Variants in DAAM1 observed in about 807,000 individuals in gnomAD.
The protein encoded by DAAM1 is disheveled-associated activator of morphogenesis 1.
Under a neutral mutation model 130.0 loss-of-function variants are expected in DAAM1, and 52 were observed. The ratio of observed to expected loss-of-function variants is 0.40; its 90% CI spans 0.32 to 0.50. The LOEUF (loss-of-function observed/expected upper bound fraction) is 0.50, where lower values mean the gene tolerates loss of function less well. DAAM1 is among the 20% of genes least tolerant of loss of function. The pLI is 0.61. For synonymous variants in DAAM1, 452 were observed against 444.5 expected (o/e 1.02, Z -0.21); for missense variants, 1,134 against 1,303.8 (o/e 0.87, Z 2.01).
At chr14:59,339,018 T>C (rs902363717) in intron 15 of DAAM1, among the ~76,000 whole-genome samples, 9 of 152,204 alleles carry the variant, frequency 5.9e-5, no homozygotes, top group Non-Finnish European at 1.3e-4. Flanking sequence ...ATCCAAGATT[T>C]TGTAGTTTGT....
chr14:59,300,623 C>T (rs1884133321), intron 3 of DAAM1, among the ~76,000 whole-genome samples: 1 of 151,964 alleles, frequency 6.6e-6, no homozygotes, highest in Admixed American at 6.6e-5. Flanking sequence ...TTAACAAATG[C>T]TAATAACATT....
rs905268873 is a variant in DAAM1, at chr14:59,300,748, A to G, written c.273+9442A>G. Among the ~76,000 whole-genome samples the G allele has an allele frequency of 1.4e-4, 21 of 152,318 alleles. No individual in the cohort carries two copies. In the South Asian group the frequency reaches 1.9e-3, roughly 14 times the overall value. ...TTGTGTTTCTGTCTTTTACTTACCCATATATTTATAGCCTAACTCCATGCG... is the reference window on the plus strand; with the variant it reads ...TTGTGTTTCTGTCTTTTACTTACCCGTATATTTATAGCCTAACTCCATGCG... On this transcript the variant is annotated intron_variant, in intron 3 of 24. Coordinates refer to ENST00000360909, the MANE Select transcript of DAAM1 (RefSeq NM_001270520.2).
intron 1 of DAAM1, among the ~76,000 whole-genome samples, chr14:59,259,411 A>T: frequency 6.6e-6 from 1 of 152,150 alleles, no homozygotes; most frequent in East Asian, 1.9e-4. Flanking sequence ...GGGCCGTAGG[A>T]CCCTGCATGA....
intron 3 of DAAM1, among the ~76,000 whole-genome samples, chr14:59,295,714 A>G (rs377282797): frequency 1.8e-4 from 27 of 152,330 alleles, no homozygotes; most frequent in African/African-American, 6.5e-4. Context: ...CATTTTCTAC[A>G]CAAAGTAGCT....
chr14:59,288,188 A>G (rs774816083), intron 2 of DAAM1, among the ~76,000 whole-genome samples: 10 of 152,234 alleles, frequency 6.6e-5, no homozygotes, highest in Non-Finnish European at 1.0e-4. Flanking sequence ...ATCCTATTCA[A>G]TAAATGGTGG....
At chr14:59,225,448 T>C (rs1451453544) in intron 1 of DAAM1, among the ~76,000 whole-genome samples, 1 of 152,228 alleles carries the variant, frequency 6.6e-6, no homozygotes, top group Non-Finnish European at 1.5e-5. Context: ...CAAAAATAAA[T>C]GTGATTAGTG....
At chr14:59,246,665 G>GCA (rs1273161423) in intron 1 of DAAM1, among the ~76,000 whole-genome samples, 1 of 152,126 alleles carries the variant, frequency 6.6e-6, no homozygotes, top group Non-Finnish European at 1.5e-5. Flanking sequence ...CATAATCCCA[G>GCA]CAACTGTACA....
At chr14:59,259,125 G>C (rs1464979799) in intron 1 of DAAM1, among the ~76,000 whole-genome samples, 1 of 152,164 alleles carries the variant, frequency 6.6e-6, no homozygotes, top group Non-Finnish European at 1.5e-5. Flanking sequence ...AGTGAAACTT[G>C]TAGCATGCAA....
intron 23 of DAAM1, among the ~76,000 whole-genome samples, chr14:59,364,806 A>AAAAT (rs1181367815): frequency 1.3e-5 from 2 of 150,912 alleles, no homozygotes; most frequent in Admixed American, 6.6e-5. Context: ...CTAACCTTAT[A>AAAAT]AAATAAATGG....
At chr14:59,223,491 A>G (rs1311933824) in intron 1 of DAAM1, among the ~76,000 whole-genome samples, 1 of 152,134 alleles carries the variant, frequency 6.6e-6, no homozygotes, top group Non-Finnish European at 1.5e-5. Flanking sequence ...ATCCTGCTGA[A>G]GAGTCTAAAT....
At chr14:59,202,708 A>G (rs1397033612) in intron 1 of DAAM1, among the ~76,000 whole-genome samples, 2 of 152,178 alleles carry the variant, frequency 1.3e-5, no homozygotes, top group Non-Finnish European at 2.9e-5. Flanking sequence ...CCCCAATGAA[A>G]TGCTCTTTGC....
At chr14:59,258,690 A>C (rs1280445364) in intron 1 of DAAM1, among the ~76,000 whole-genome samples, 1 of 152,176 alleles carries the variant, frequency 6.6e-6, no homozygotes, top group South Asian at 2.1e-4. Flanking sequence ...CTAGGCTCTG[A>C]ATAGTGGAGC....
intron 23 of DAAM1, among the ~76,000 whole-genome samples, chr14:59,365,484 T>C (rs925194821): frequency 9.6e-5 from 3 of 31,258 alleles, no homozygotes; most frequent in Admixed American, 3.5e-4. Flanking sequence ...TATTTCCAAA[T>C]AAGTAAACAT....
chr14:59,193,787 T>C (rs1224252166), intron 1 of DAAM1, among the ~76,000 whole-genome samples: 1 of 152,238 alleles, frequency 6.6e-6, no homozygotes, highest in East Asian at 1.9e-4. Flanking sequence ...TCTGAGTGTC[T>C]GGATTATCTT....
intron 1 of DAAM1, among the ~76,000 whole-genome samples, chr14:59,227,776 C>T (rs1888986435): frequency 6.6e-6 from 1 of 152,148 alleles, no homozygotes; most frequent in Non-Finnish European, 1.5e-5. Context: ...CAGTGCTGGG[C>T]ACACAGAGGA....
At position 59,326,979 on chromosome 14, in the gene DAAM1, A is replaced by G. The variant is rs1208987713; in HGVS notation, c.1360A>G (p.Lys454Glu). Residue 454 changes from lysine (K) to glutamate (E), a missense_variant, in exon 12 of 25, where the codon AAA becomes GAA. Transcript: ENST00000360909. ...EVKQWKEQAE[K>E]MRKEHNELQQ... ...TAAGCAGTGGAAAGAACAAGCGGAA[A>G]AAATGAGAAAAGGTAAATAATGAGG... The G allele has an allele frequency of 1.9e-6, 3 of 1,613,918 alleles. No individual in the cohort carries two copies. Among genetic ancestry groups the G allele is most frequent in the Admixed American group, 3.3e-5 (2 of 60,010 alleles).
intron 2 of DAAM1, among the ~76,000 whole-genome samples, chr14:59,280,368 A>G (rs940836579): frequency 2.6e-5 from 4 of 152,040 alleles, no homozygotes; most frequent in Non-Finnish European, 4.4e-5. Flanking sequence ...ACAGGAGGTC[A>G]AGGTTACAGT....
intron 1 of DAAM1, among the ~76,000 whole-genome samples, chr14:59,230,901 A>G (rs180847393): frequency 1.3e-5 from 2 of 152,288 alleles, no homozygotes; most frequent in African/African-American, 4.8e-5. Flanking sequence ...GTTTGTAAGC[A>G]TTATTATATG....
chr14:59,257,171 T>C (rs1044251915), intron 1 of DAAM1, among the ~76,000 whole-genome samples: 2 of 152,260 alleles, frequency 1.3e-5, no homozygotes, highest in Admixed American at 1.3e-4. Flanking sequence ...AATGTCTTGG[T>C]GGGTTTGAAA....
Sources: allele counts gnomAD v4.1 joint callset (sites outside exome capture counted in the v4.1 genomes callset), GRCh38; gene constraint gnomAD v4.1.1; transcripts MANE v1.5; gene names NCBI Gene and HGNC (gene_info 2026-07-23, HGNC 2026-07-21).